Variants in ARHGAP24 observed in about 807,000 individuals in gnomAD.
ARHGAP24 encodes rho GTPase-activating protein 24.
In ARHGAP24, 50 loss-of-function variants were observed where a neutral mutation model predicts 76.4. The observed-to-expected ratio is 0.65, with a 90% CI of 0.52 to 0.83. The LOEUF (loss-of-function observed/expected upper bound fraction) is 0.83. Ranked by LOEUF, ARHGAP24 falls within the 40% of genes least tolerant of loss-of-function variation. The pLI, the probability that ARHGAP24 is intolerant of heterozygous loss-of-function variation, is 0.00. For synonymous variants in ARHGAP24, 345 were observed against 323.3 expected (o/e 1.07, Z -0.72); for missense variants, 930 against 914.2 (o/e 1.02, Z -0.22).
At chr4:85,741,409 A>AAATAT (rs1725822888) in intron 3 of ARHGAP24, among the ~76,000 whole-genome samples, 1 of 152,218 alleles carries the variant, frequency 6.6e-6, no homozygotes, top group South Asian at 2.1e-4. Context: ...TTTTGTTTTC[A>AAATAT]TTTTCAGAAA....
At chr4:85,769,442 A>G (rs563646860) in intron 3 of ARHGAP24, among the ~76,000 whole-genome samples, 36 of 152,334 alleles carry the variant, frequency 2.4e-4, no homozygotes, top group African/African-American at 7.9e-4. Flanking sequence ...TTGTTTTTAA[A>G]TGTCAACAAG....
intron 2 of ARHGAP24, among the ~76,000 whole-genome samples, chr4:85,604,859 T>C (rs1437406743): frequency 2.6e-5 from 4 of 152,120 alleles, no homozygotes; most frequent in Non-Finnish European, 4.4e-5. Flanking sequence ...ATTACAGGTT[T>C]GCACCACTAC....
chr4:85,623,724 C>T (rs1720811360), intron 2 of ARHGAP24, among the ~76,000 whole-genome samples: 1 of 151,948 alleles, frequency 6.6e-6, no homozygotes, highest in African/African-American at 2.4e-5. Context: ...TACCCATGAG[C>T]ATGGAATGTT....
At chr4:85,866,304 C>T (rs552034873) in intron 3 of ARHGAP24, among the ~76,000 whole-genome samples, 63 of 152,192 alleles carry the variant, frequency 4.1e-4, no homozygotes, top group Admixed American at 1.6e-3. Flanking sequence ...ATCAGAAGTT[C>T]GTCTCTAACC....
chr4:85,479,145 T>A (rs1722715119), intron 1 of ARHGAP24, among the ~76,000 whole-genome samples: 1 of 152,198 alleles, frequency 6.6e-6, no homozygotes, highest in South Asian at 2.1e-4. Flanking sequence ...GTCTATTTGG[T>A]CTTAGAGTTC....
At chr4:85,987,838 C>A (rs1740094806) in intron 8 of ARHGAP24, among the ~76,000 whole-genome samples, 1 of 151,650 alleles carries the variant, frequency 6.6e-6, no homozygotes, top group South Asian at 2.1e-4. Flanking sequence ...ATCTCAGAAG[C>A]TCAGAATTAA....
chr4:85,623,678 G>A (rs1342015179), intron 2 of ARHGAP24, among the ~76,000 whole-genome samples: 1 of 151,548 alleles, frequency 6.6e-6, no homozygotes, highest in Non-Finnish European at 1.5e-5. Flanking sequence ...AAATTACCAT[G>A]GGCAGTATGG....
At chr4:85,938,198 T>A (rs1736760770) in intron 4 of ARHGAP24, among the ~76,000 whole-genome samples, 1 of 152,206 alleles carries the variant, frequency 6.6e-6, no homozygotes, top group Admixed American at 6.5e-5. Context: ...TGATGCTTTA[T>A]GACACACCAA....
At chr4:85,495,181 C>T (rs1012092330) in intron 1 of ARHGAP24, among the ~76,000 whole-genome samples, 1 of 151,578 alleles carries the variant, frequency 6.6e-6, no homozygotes, top group Non-Finnish European at 1.5e-5. Context: ...AAGACATGAC[C>T]TATAAATGAC....
rs146468312 is a variant in ARHGAP24 at position 85,698,069 on chromosome 4, G to T, written c.181-23816G>T. On this transcript the variant is annotated intron_variant, in intron 2 of 9. Transcript: ENST00000395184. ...AGTGTGGGAGAGGAAGGGAGAAGTG[G>T]GAAGGAAGACTAGCCAGCAGTATCT... 5.0e-3 allele frequency among the ~76,000 whole-genome samples: 765 copies of T among 152,236 alleles called. 7 individuals carry two copies. Among genetic ancestry groups the T allele is most frequent in the Non-Finnish European group, 8.1e-3 (550 of 68,012 alleles).
chr4:85,481,359 A>G (rs555434270), intron 1 of ARHGAP24, among the ~76,000 whole-genome samples: 2 of 152,298 alleles, frequency 1.3e-5, no homozygotes, highest in South Asian at 4.1e-4. Context: ...GTGCTTTTCA[A>G]TTATGAATTT....
At chr4:85,612,127 A>T (rs973769708) in intron 2 of ARHGAP24, among the ~76,000 whole-genome samples, 68 of 118,852 alleles carry the variant, frequency 5.7e-4, no homozygotes, top group African/African-American at 1.9e-3. Context: ...CACACAGACC[A>T]GTGTATAGCT....
At chr4:85,660,812 A>AAAAAAAC (rs1722354777) in intron 2 of ARHGAP24, among the ~76,000 whole-genome samples, 1 of 150,684 alleles carries the variant, frequency 6.6e-6, no homozygotes, top group African/African-American at 2.4e-5. Flanking sequence ...AAAAAAAAAA[A>AAAAAAAC]AAAAATCTGT....
intron 4 of ARHGAP24, among the ~76,000 whole-genome samples, chr4:85,934,998 C>T (rs148522361): frequency 2.0e-4 from 31 of 152,248 alleles, no homozygotes; most frequent in African/African-American, 6.3e-4. Flanking sequence ...GATTCAAGAT[C>T]GATTACAAAC....
intron 2 of ARHGAP24, among the ~76,000 whole-genome samples, chr4:85,597,346 G>A (rs1560546566): frequency 6.6e-6 from 1 of 152,106 alleles, no homozygotes; most frequent in Middle Eastern, 3.4e-3. Context: ...GTGTCTAAGG[G>A]CTGACAGCTA....
chr4:85,870,384 A>C (rs1732456605), intron 3 of ARHGAP24, among the ~76,000 whole-genome samples: 1 of 152,214 alleles, frequency 6.6e-6, no homozygotes, highest in South Asian at 2.1e-4. Context: ...GCTGTAAAGC[A>C]GATGAACCTC....
At chr4:85,795,469 T>C (rs1269954453) in intron 3 of ARHGAP24, among the ~76,000 whole-genome samples, 2 of 152,160 alleles carry the variant, frequency 1.3e-5, no homozygotes, top group East Asian at 3.9e-4. Context: ...AAATTCTACC[T>C]AGAATATTTT....
intron 2 of ARHGAP24, among the ~76,000 whole-genome samples, chr4:85,611,094 A>G (rs1469515857): frequency 6.6e-6 from 1 of 152,210 alleles, no homozygotes; most frequent in Non-Finnish European, 1.5e-5. Flanking sequence ...TAGGATTTTT[A>G]TCTTAAAAAC....
At chr4:85,733,060 C>CTTTTTTTTTTTCTTTTTT (rs1725471181) in intron 3 of ARHGAP24, among the ~76,000 whole-genome samples, 1 of 55,206 alleles carries the variant, frequency 1.8e-5, no homozygotes, top group Non-Finnish European at 3.2e-5. Context: ...GCCTCACCAA[C>CTTTTTTTTTTTCTTTTTT]TTTTTTTTTT....
Sources: gnomAD v4.1 joint callset for allele counts (sites outside exome capture counted in the v4.1 genomes callset) on GRCh38, gnomAD v4.1.1 for gene constraint, MANE v1.5 for transcripts, NCBI Gene and HGNC (gene_info 2026-07-23, HGNC 2026-07-21) for gene names.